DCDC1: variants seen among roughly 807,000 people sequenced by gnomAD.
The protein encoded by DCDC1 is doublecortin domain containing 1.
A neutral mutation model predicts 178.3 loss-of-function variants in DCDC1; 200 were observed. The ratio of observed to expected loss-of-function variants is 1.12; its 90% CI spans 1.00 to 1.26. The LOEUF (loss-of-function observed/expected upper bound fraction) is 1.26, where lower values mean the gene tolerates loss of function less well. DCDC1 is among the 50% of genes most tolerant of loss of function. DCDC1 has a pLI of 0.00. For missense variants in DCDC1, 1,983 were observed against 1,749.2 expected, an observed-to-expected ratio of 1.13 and a Z score of -2.38; for synonymous variants, 690 against 604.8, an observed-to-expected ratio of 1.14 and a Z score of -2.07.
At chr11:31,191,536 A>G (rs1368255810) in intron 9 of DCDC1, among the ~76,000 whole-genome samples, 1 of 152,108 alleles carries the variant, frequency 6.6e-6, no homozygotes, top group African/African-American at 2.4e-5. Flanking sequence ...GAACTCTAAA[A>G]GGGAAATTTT....
At chr11:30,999,043 A>C (rs1451330716) in intron 20 of DCDC1, among the ~76,000 whole-genome samples, 1 of 152,174 alleles carries the variant, frequency 6.6e-6, no homozygotes, top group Non-Finnish European at 1.5e-5. Flanking sequence ...TTCTTTCCAA[A>C]TCCCAATTCA....
chr11:31,300,637 T>C (rs539109774), intron 6 of DCDC1, among the ~76,000 whole-genome samples: 2 of 152,132 alleles, frequency 1.3e-5, no homozygotes, highest in South Asian at 2.1e-4. Flanking sequence ...TAACAAGATA[T>C]CTAAAGCCTT....
At chr11:31,296,929 A>T (rs1222262099) in intron 6 of DCDC1, among the ~76,000 whole-genome samples, 5 of 152,198 alleles carry the variant, frequency 3.3e-5, no homozygotes, top group Non-Finnish European at 7.3e-5. Flanking sequence ...ATTTCAGATT[A>T]CAATTCAATA....
intron 9 of DCDC1, among the ~76,000 whole-genome samples, chr11:31,199,725 G>A (rs889188198): frequency 6.6e-6 from 1 of 152,036 alleles, no homozygotes; most frequent in African/African-American, 2.4e-5. Flanking sequence ...TAGTGTACAA[G>A]TGATGAAAAG....
At chr11:31,248,472 T>G (rs534759624) in intron 8 of DCDC1, among the ~76,000 whole-genome samples, 60 of 152,200 alleles carry the variant, frequency 3.9e-4, no homozygotes, top group African/African-American at 1.4e-3. Flanking sequence ...GTTAACCTTT[T>G]TGTTCTTTTA....
At chr11:31,336,471 A>G (rs1241110076) in intron 1 of DCDC1, among the ~76,000 whole-genome samples, 1 of 152,378 alleles carries the variant, frequency 6.6e-6, no homozygotes, top group South Asian at 2.1e-4. Flanking sequence ...CTTGCAGGAC[A>G]TTGTTAGGAC....
At chr11:31,194,136 A>T (rs2136373390) in intron 9 of DCDC1, among the ~76,000 whole-genome samples, 1 of 152,252 alleles carries the variant, frequency 6.6e-6, no homozygotes, top group African/African-American at 2.4e-5. Flanking sequence ...ATTCAAAACT[A>T]AAGTTTGATG....
intron 9 of DCDC1, among the ~76,000 whole-genome samples, chr11:31,220,133 GATA>G (rs1207546563): frequency 2.6e-5 from 4 of 152,096 alleles, no homozygotes; most frequent in African/African-American, 4.8e-5. Context: ...CACCAGTGAA[GATA>G]ATTTTATTTC....
At chr11:31,351,620 A>G (rs951010086) in intron 1 of DCDC1, among the ~76,000 whole-genome samples, 1 of 152,134 alleles carries the variant, frequency 6.6e-6, no homozygotes, top group East Asian at 1.9e-4. Flanking sequence ...CAGGAAAAAA[A>G]CTTCTTTCAC....
intron 38 of DCDC1, among the ~76,000 whole-genome samples, chr11:30,872,273 T>C (rs1941656224): frequency 6.6e-6 from 1 of 152,158 alleles, no homozygotes; most frequent in South Asian, 2.1e-4. Context: ...TGTGAATTAG[T>C]TCTTTTAAGA....
chr11:31,007,774 G>A (rs138525355), intron 20 of DCDC1, among the ~76,000 whole-genome samples: 276 of 151,484 alleles, frequency 1.8e-3, no homozygotes, highest in African/African-American at 6.3e-3. Context: ...AGTGATTCTC[G>A]TGCCTCACCC....
intron 21 of DCDC1, among the ~76,000 whole-genome samples, chr11:30,940,377 C>T (rs1201849812): frequency 1.3e-5 from 2 of 152,152 alleles, no homozygotes; most frequent in Non-Finnish European, 2.9e-5. Context: ...TGACCAACCC[C>T]TCTTCTTTAC....
intron 9 of DCDC1, among the ~76,000 whole-genome samples, chr11:31,142,525 TTTTA>T (rs1390336088): frequency 6.6e-6 from 1 of 152,124 alleles, no homozygotes; most frequent in Non-Finnish European, 1.5e-5. Flanking sequence ...CATATGCTTC[TTTTA>T]TTTATCTCTA....
intron 20 of DCDC1, among the ~76,000 whole-genome samples, chr11:30,974,277 A>G (rs1351700337): frequency 6.6e-6 from 1 of 151,242 alleles, no homozygotes; most frequent in East Asian, 1.9e-4. Flanking sequence ...CTGCATCAAA[A>G]AAAAAAAAAA....
chr11:31,071,276 T>A (rs1027522638), intron 18 of DCDC1, among the ~76,000 whole-genome samples: 1 of 152,150 alleles, frequency 6.6e-6, no homozygotes, highest in Non-Finnish European at 1.5e-5. Context: ...ATTCATACAA[T>A]CTCATTGTTG....
intron 9 of DCDC1, among the ~76,000 whole-genome samples, chr11:31,210,937 T>C (rs1474840408): frequency 6.6e-6 from 1 of 152,176 alleles, no homozygotes; most frequent in African/African-American, 2.4e-5. Context: ...CATGAATGGA[T>C]AAATATCTCT....
Position 31,328,195 on chromosome 11 carries a change from T to C in DCDC1, c.86A>G (p.Gln29Arg). The change falls in exon 3 of 39, where the codon CAG becomes CGG. Residue 29 changes from glutamine (Q) to arginine (R), a missense_variant. Transcript: ENST00000684477. ...CAAAGTGCCTTCAGGGCTACTTTGC[T>C]GTAATACTTCCATTGCTTCAGTCAA... is the stretch of plus-strand genomic sequence containing the variant. The part of the protein sequence containing the change: ...SLLTEAMEVL[Q>R]QSSPEGTLDG... 1.2e-6 allele frequency: 2 copies of C among 1,612,790 alleles called. No homozygotes were observed. The highest frequency in any genetic ancestry group is 4.5e-5 in the East Asian group (2 of 44,834).
intron 20 of DCDC1, among the ~76,000 whole-genome samples, chr11:30,955,715 T>A (rs1948736512): frequency 6.6e-6 from 1 of 152,218 alleles, no homozygotes. Context: ...TTATACCCCG[T>A]AACCTCCCTG....
At position 30,991,337 on chromosome 11, in the gene DCDC1, T is replaced by C. The variant is rs57015200; in HGVS notation, c.2592-38769A>G. 8.5e-5 allele frequency among the ~76,000 whole-genome samples: 13 copies of C among 152,154 alleles called. No homozygotes were observed. The East Asian group carries it at 2.3e-3, about 27-fold the overall frequency. Reference sequence around the variant, plus strand: ...CTTAACCATATACCATAATAATAAATAAAAAGACAGAGACAAAGGGGTCCC... The same window carrying C: ...CTTAACCATATACCATAATAATAAACAAAAAGACAGAGACAAAGGGGTCCC... On this transcript the variant is annotated intron_variant, in intron 20 of 38. Transcript: ENST00000684477.
Sources: allele counts gnomAD v4.1 joint callset (sites outside exome capture counted in the v4.1 genomes callset), GRCh38; gene constraint gnomAD v4.1.1; transcripts MANE v1.5; gene names NCBI Gene and HGNC (gene_info 2026-07-23, HGNC 2026-07-21).